Variants in GLCE observed in about 807,000 individuals in gnomAD.
GLCE encodes the protein D-glucuronyl C5-epimerase.
Under a neutral mutation model 47.9 loss-of-function variants are expected in GLCE, and 19 were observed. The ratio of observed to expected loss-of-function variants is 0.40; its 90% CI spans 0.28 to 0.58. The LOEUF is 0.58. Among genes scored for constraint, GLCE ranks in the 20% least tolerant of loss-of-function variants. The pLI, the probability that GLCE is intolerant of heterozygous loss-of-function variation, is 0.48. For missense variants in GLCE, 556 were observed against 743.3 expected (o/e 0.75, Z 2.93); for synonymous variants, 245 against 263.4 (o/e 0.93, Z 0.68).
At chr15:69,207,965 T>C (rs575156509) in intron 1 of GLCE, among the ~76,000 whole-genome samples, 3 of 152,166 alleles carry the variant, frequency 2.0e-5, no homozygotes, top group Admixed American at 2.0e-4. Context: ...ATTCTAATCA[T>C]GTACTTTTGC....
At chr15:69,188,097 G>T (rs2051854010) in intron 1 of GLCE, among the ~76,000 whole-genome samples, 1 of 151,780 alleles carries the variant, frequency 6.6e-6, no homozygotes, top group African/African-American at 2.4e-5. Context: ...AAAAAAATTA[G>T]CTGGGCCTGG....
rs540050622 is a variant in GLCE at position 69,197,499 on chromosome 15, C to T, written c.-104-12817C>T. On this transcript the variant is annotated intron_variant, in intron 1 of 4. Coordinates refer to ENST00000261858, the MANE Select transcript of GLCE (RefSeq NM_015554.3). ...ATTTAAAATTCACGGTACAAAACCGCAATTACTTTTGCACCAACCTAATAA... is the reference window on the plus strand; with the variant it reads ...ATTTAAAATTCACGGTACAAAACCGTAATTACTTTTGCACCAACCTAATAA... 24 of 163,410 alleles carry T rather than the reference C, an allele frequency of 1.5e-4. 1 individual carries two copies. The Middle Eastern group carries it at 8.8e-3, about 60-fold the overall frequency. The allele number at this position is 163,410 out of a possible 1,614,324, so 10.1% of individuals were successfully genotyped here. A position where few individuals can be genotyped will look rare whatever the true frequency, so the allele number is the denominator to read the frequency against.
chr15:69,222,350 G>A (rs867464214), intron 2 of GLCE, among the ~76,000 whole-genome samples: 12 of 152,172 alleles, frequency 7.9e-5, no homozygotes, highest in Admixed American at 6.5e-5. Context: ...GAGGCACCAC[G>A]GGCAGGAAGT....
chr15:69,248,574 A>G, intron 2 of GLCE, among the ~76,000 whole-genome samples: 1 of 152,170 alleles, frequency 6.6e-6, no homozygotes, highest in East Asian at 1.9e-4. Context: ...CGGAGAGGAA[A>G]GAATATTTAA....
intron 1 of GLCE, among the ~76,000 whole-genome samples, chr15:69,201,607 A>G (rs1173824132): frequency 2.0e-5 from 3 of 148,364 alleles, no homozygotes; most frequent in Non-Finnish European, 3.0e-5. Flanking sequence ...TCCCATCACT[A>G]CAGCAGTGTT....
chr15:69,255,944 C>T lies in GLCE; in HGVS notation c.138C>T (p.Gly46=). ...AIQFPRRSSS[G]FRVDGFEKRA... The stretch of plus-strand genomic sequence containing the variant: ...AGTTTCCACGGCGTTCGAGTAGTGG[C>T]TTCAGAGTGGATGGGTTTGAAAAAA... The change falls in exon 3 of 5, where the codon GGC becomes GGT. Residue 46 remains glycine (G), a synonymous_variant. Coordinates refer to ENST00000261858, the MANE Select transcript of GLCE (RefSeq NM_015554.3). 1 of 1,613,992 alleles carries T rather than the reference C, an allele frequency of 6.2e-7. No individual in the cohort carries two copies. Among genetic ancestry groups the T allele is most frequent in the South Asian group, 1.1e-5 (1 of 91,060 alleles).
intron 3 of GLCE, 92 bp from the exon 4 acceptor site, chr15:69,260,995 G>T: frequency 8.2e-7 from 1 of 1,216,136 alleles, no homozygotes; most frequent in Non-Finnish European, 1.2e-6. Context: ...AACCCTGTAA[G>T]ATCCCCCAGA....
In GLCE at chr15:69,253,078, A is replaced by G. The variant is rs185398876; in HGVS notation, c.-13-2716A>G. On this transcript the variant is annotated intron_variant, in intron 2 of 4. Coordinates refer to ENST00000261858, the MANE Select transcript of GLCE (RefSeq NM_015554.3). ...AGGACTACCCAAGGATGATAGTTGA[A>G]CAGATTTCCAGATCTCTAGTTGAGT... is the stretch of plus-strand genomic sequence containing the variant. 9.2e-5 allele frequency among the ~76,000 whole-genome samples: 14 copies of G among 152,338 alleles called. No individual in the cohort carries two copies. In the East Asian group the frequency reaches 2.7e-3, roughly 29 times the overall value.
chr15:69,171,822 A>T (rs2051593886), intron 1 of GLCE, among the ~76,000 whole-genome samples: 1 of 152,168 alleles, frequency 6.6e-6, no homozygotes, highest in Non-Finnish European at 1.5e-5. Context: ...GTTCCTGTTT[A>T]CTGGAATTCT....
At chr15:69,261,443 C>CAT in intron 4 of GLCE, 114 bp downstream of exon 4, 1 of 972,354 alleles carries the variant, frequency 1.0e-6, no homozygotes, top group Non-Finnish European at 1.5e-6. Context: ...CTTTATATTA[C>CAT]ATATATAAAG....
rs1218859665 is a variant in GLCE at position 69,272,021 on chromosome 15, CCTT to C, written c.*2778_*2780del. 1 of 152,550 alleles carries C rather than the reference CCTT, an allele frequency of 6.6e-6. No individual in the cohort carries two copies. The highest frequency in any genetic ancestry group is 1.9e-4 in the East Asian group (1 of 5,204). The allele number at this position is 152,550 out of a possible 1,614,324, so 9.4% of individuals were successfully genotyped here. ...ACAGGATGCCCTTCTGAAGGGTAGT[CCTT>C]TGTAAAGCTGTACAGACTTTGCAGT... is the stretch of plus-strand genomic sequence containing the variant. On this transcript the variant is annotated 3_prime_UTR_variant, in exon 5 of 5. Transcript: ENST00000261858.
At chr15:69,222,056 T>C (rs114801560) in intron 2 of GLCE, among the ~76,000 whole-genome samples, 1 of 152,210 alleles carries the variant, frequency 6.6e-6, no homozygotes, top group Non-Finnish European at 1.5e-5. Context: ...TGTGGTTGAA[T>C]GCCTTTGTTT....
chr15:69,226,440 T>C (rs968450825), intron 2 of GLCE, among the ~76,000 whole-genome samples: 3 of 152,190 alleles, frequency 2.0e-5, no homozygotes, highest in East Asian at 1.9e-4. Flanking sequence ...ATGTAGAAGA[T>C]AGCAAAATCT....
intron 1 of GLCE, among the ~76,000 whole-genome samples, chr15:69,184,192 G>A (rs2051790091): frequency 6.6e-6 from 1 of 152,044 alleles, no homozygotes; most frequent in Non-Finnish European, 1.5e-5. Flanking sequence ...GAAATAGTAG[G>A]ACATGGCTTA....
At chr15:69,173,634 A>G (rs1359136465) in intron 1 of GLCE, among the ~76,000 whole-genome samples, 4 of 152,114 alleles carry the variant, frequency 2.6e-5, no homozygotes, top group South Asian at 4.1e-4. Flanking sequence ...GCACTAAAGC[A>G]TAGATTGAGT....
intron 2 of GLCE, among the ~76,000 whole-genome samples, chr15:69,247,795 G>A (rs374073375): frequency 2.2e-4 from 34 of 152,218 alleles, no homozygotes; most frequent in East Asian, 1.4e-3. Context: ...ACAGGCAATC[G>A]GGGAACAGCT....
chr15:69,192,792 A>G (rs188893366), intron 1 of GLCE, among the ~76,000 whole-genome samples: 43 of 152,212 alleles, frequency 2.8e-4, no homozygotes, highest in African/African-American at 9.1e-4. Flanking sequence ...CTTCTAATGC[A>G]TGGTCCTTCT....
At chr15:69,261,832 T>G (rs2140448836) in intron 4 of GLCE, among the ~76,000 whole-genome samples, 1 of 152,346 alleles carries the variant, frequency 6.6e-6, no homozygotes, top group African/African-American at 2.4e-5. Context: ...AAACTTCATG[T>G]AAAGTCATTT....
At chr15:69,178,959 C>T (rs1384721479) in intron 1 of GLCE, among the ~76,000 whole-genome samples, 1 of 152,098 alleles carries the variant, frequency 6.6e-6, no homozygotes, top group Non-Finnish European at 1.5e-5. Context: ...ATAAGCTAAT[C>T]TCTAAGACAC....
Sources: gnomAD v4.1 joint callset for allele counts (sites outside exome capture counted in the v4.1 genomes callset) on GRCh38, gnomAD v4.1.1 for gene constraint, MANE v1.5 for transcripts, NCBI Gene and HGNC (gene_info 2026-07-23, HGNC 2026-07-21) for gene names.